Variants in ZDHHC11 observed in about 807,000 individuals in gnomAD.
The protein encoded by ZDHHC11 is zDHHC palmitoyltransferase 11, also known as palmitoyltransferase ZDHHC11.
A neutral mutation model predicts 51.3 loss-of-function variants in ZDHHC11; 44 were observed. That is an observed-to-expected ratio of 0.86 (90% confidence interval 0.67 to 1.10). ZDHHC11 has a LOEUF of 1.10. Ranked by LOEUF, ZDHHC11 falls within the 50% of genes least tolerant of loss-of-function variation. The pLI is 0.00. For synonymous variants in ZDHHC11, 163 were observed against 222.0 expected, an observed-to-expected ratio of 0.73 and a Z score of 2.36; for missense variants, 400 against 537.7, an observed-to-expected ratio of 0.74 and a Z score of 2.53.
chr5:844,204 C>G (rs1211323180), intron 3 of ZDHHC11, among the ~76,000 whole-genome samples: 2 of 152,394 alleles, frequency 1.3e-5, no homozygotes, highest in Non-Finnish European at 2.9e-5. Context: ...CTGTGACGCC[C>G]CCCCAGGTCT....
intron 5 of ZDHHC11, among the ~76,000 whole-genome samples, chr5:837,747 G>A (rs539859444): frequency 2.0e-5 from 3 of 152,016 alleles, no homozygotes; most frequent in East Asian, 1.9e-4. Context: ...CGCCTGCCAC[G>A]GCCTCATTGA....
chr5:815,692 C>T (rs930542564), intron 10 of ZDHHC11, among the ~76,000 whole-genome samples: 9 of 151,576 alleles, frequency 5.9e-5, no homozygotes, highest in East Asian at 3.8e-4. Flanking sequence ...AACTGCTTGG[C>T]GATGTGGCAT....
At position 803,778 on chromosome 5, in the gene ZDHHC11, AATTAG is replaced by A. The variant is rs200105563; in HGVS notation, c.1182-2619_1182-2615del. On this transcript the variant is annotated intron_variant, in intron 11 of 12. Transcript: ENST00000283441. ...AAAGTAGGAAAATTACATATGAGCA[AATTAG>A]ATTAGTAGTAGAGATAGAAATTATA... is the stretch of plus-strand genomic sequence containing the variant. Among the ~76,000 whole-genome samples, 1,340 of 150,698 alleles carry A rather than the reference AATTAG, an allele frequency of 8.9e-3. 45 individuals are homozygous for A. Among genetic ancestry groups the A allele is most frequent in the African/African-American group, 0.03 (1,244 of 41,032 alleles).
chr5:843,614 T>C lies in ZDHHC11; in HGVS notation c.614A>G (p.Asp205Gly), dbSNP rs1579764772. 6.2e-7 allele frequency: 1 copy of C among 1,607,968 alleles called. No homozygotes were observed. The highest frequency in any genetic ancestry group is 1.1e-5 in the South Asian group (1 of 90,788). ...YLVNPGVLRTDPRYEDVKNMN... is the reference protein window; with the variant it reads ...YLVNPGVLRTGPRYEDVKNMN... ...CGGCCACGTACCTTCATACCTGGGG[T>C]CCGTGCGGAGCACCCCGGGGTTCAC... The change falls in exon 4 of 13, where the codon GAC (aspartate) becomes GGC (glycine). Residue 205 changes from aspartate to glycine, a missense_variant. By Grantham distance (94) the Asp-to-Gly change is moderately conservative. Coordinates refer to ENST00000283441, the MANE Select transcript of ZDHHC11 (RefSeq NM_024786.3).
chr5:855,383 G>GC (rs1748047914), upstream of ZDHHC11, among the ~76,000 whole-genome samples: 3 of 147,424 alleles, frequency 2.0e-5, no homozygotes, highest in East Asian at 2.1e-4. Context: ...GAGCCGGGGA[G>GC]ACAGACCCCA....
chr5:801,018 A>G, intron 12 of ZDHHC11, 82 bp downstream of exon 12: 1 of 1,555,822 alleles, frequency 6.4e-7, no homozygotes, highest in South Asian at 1.1e-5. Flanking sequence ...TGCACTGGTG[A>G]TTTTTTAAAG....
chr5:803,948 A>G (rs1262324651), intron 11 of ZDHHC11, among the ~76,000 whole-genome samples: 1 of 150,110 alleles, frequency 6.7e-6, no homozygotes, highest in Non-Finnish European at 1.5e-5. Flanking sequence ...ATCCAGTCTT[A>G]GGACCAGAAA....
chr5:838,390 C>T (rs1371841502), intron 5 of ZDHHC11, among the ~76,000 whole-genome samples: 1 of 152,150 alleles, frequency 6.6e-6, no homozygotes, highest in African/African-American at 2.4e-5. Flanking sequence ...ACCGTGAGAG[C>T]CGATGTCTTG....
At chr5:821,828 G>T (rs371455202) in intron 9 of ZDHHC11, 33 bp downstream of exon 9, 1 of 1,572,570 alleles carries the variant, frequency 6.4e-7, no homozygotes, top group East Asian at 2.2e-5. Context: ...GTTACTAATA[G>T]ATAAAATAAT....
intron 7 of ZDHHC11, among the ~76,000 whole-genome samples, chr5:826,257 T>TTAATGATA (rs1742352717): frequency 4.0e-4 from 1 of 2,498 alleles, no homozygotes; most frequent in African/African-American, 1.0e-3. Context: ...TTCCAGATTT[T>TTAATGATA]CCCACTGAAA....
chr5:850,507 G>C lies in ZDHHC11; in HGVS notation c.96C>G (p.Asn32Lys). 2.5e-6 allele frequency: 4 copies of C among 1,613,754 alleles called. No individual in the cohort carries two copies. Among genetic ancestry groups the C allele is most frequent in the Non-Finnish European group, 3.4e-6 (4 of 1,180,030 alleles). Residue 32 changes from asparagine to lysine, a missense_variant, in exon 1 of 13, where the codon AAC becomes AAG. By Grantham distance (94) the Asn-to-Lys change is moderately conservative. This residue lies in a region of ZDHHC11 where 119 missense variants were observed against 99.6 expected (regional missense o/e 1.20). Transcript: ENST00000283441. Reference sequence around the variant, plus strand: ...AGTAGTGCAGGGGTAACGACCAGCCGTTCACTCTGGAGATGCGGGGCGGCA... The same window carrying C: ...AGTAGTGCAGGGGTAACGACCAGCCCTTCACTCTGGAGATGCGGGGCGGCA... The part of the protein sequence containing the change: ...LVLPPRISRV[N>K]GWSLPLHYFQ...
upstream of ZDHHC11, among the ~76,000 whole-genome samples, chr5:860,491 T>G (rs1748738067): frequency 6.6e-6 from 1 of 151,656 alleles, no homozygotes; most frequent in Non-Finnish European, 1.5e-5. The surrounding 1 kb of genome is among the most constrained non-coding windows in gnomAD (Gnocchi z 4.2). Flanking sequence ...CACACCCTCC[T>G]CCACCACCTG....
intron 1 of ZDHHC11, among the ~76,000 whole-genome samples, chr5:856,912 C>CA (rs1748340172): frequency 6.6e-6 from 1 of 151,668 alleles, no homozygotes; most frequent in Non-Finnish European, 1.5e-5. Flanking sequence ...CCACACACCA[C>CA]ACACACACCA....
At chr5:848,064 C>T (rs1490416142) in intron 2 of ZDHHC11, among the ~76,000 whole-genome samples, 3 of 149,702 alleles carry the variant, frequency 2.0e-5, no homozygotes, top group Non-Finnish European at 4.4e-5. Context: ...CCTGGAGACA[C>T]TGGAACCCTT....
intron 11 of ZDHHC11, among the ~76,000 whole-genome samples, chr5:809,011 A>ACACACG (rs1561236888): frequency 6.8e-6 from 1 of 147,302 alleles, no homozygotes; most frequent in African/African-American, 2.6e-5. Context: ...ACACACACAC[A>ACACACG]CACGCACACT....
Position 827,523 on chromosome 5 carries a change from A to G in ZDHHC11, c.936-2272T>C, listed in dbSNP as rs1324964030. On this transcript the variant is annotated intron_variant, in intron 7 of 12. Transcript: ENST00000283441. Reference sequence around the variant, plus strand: ...ATAAGGACTGAAATAAACTTAAGGTAAAGTGGCAGAAAAGATATTCCATAC... The same window carrying G: ...ATAAGGACTGAAATAAACTTAAGGTGAAGTGGCAGAAAAGATATTCCATAC... Among the ~76,000 whole-genome samples, 5 of 150,902 alleles carry G rather than the reference A, an allele frequency of 3.3e-5. 1 individual carries two copies. Among genetic ancestry groups the G allele is most frequent in the African/African-American group, 7.3e-5 (3 of 40,888 alleles).
rs1737538825 is a variant in ZDHHC11 at position 796,107 on chromosome 5, AGC to A, written c.*479_*480del. On this transcript the variant is annotated 3_prime_UTR_variant, in exon 13 of 13. Transcript: ENST00000283441. ...TGTGCTCCCATTTTGCAGTGCTGTG[AGC>A]CCCCATTTCCCAGTACTGTGCTCCC... The A allele has an allele frequency of 7.7e-6, 1 of 129,668 alleles. No individual in the cohort carries two copies. The highest frequency in any genetic ancestry group is 2.5e-4 in the South Asian group (1 of 3,924). 8.0% of individuals were successfully genotyped at this position (129,668 alleles called of 1,614,324 possible).
intron 6 of ZDHHC11, among the ~76,000 whole-genome samples, chr5:836,256 G>T (rs1261214265): frequency 6.7e-6 from 1 of 150,306 alleles, no homozygotes; most frequent in Non-Finnish European, 1.5e-5. Flanking sequence ...ACCCTTTTCT[G>T]CATTGATTGG....
upstream of ZDHHC11, among the ~76,000 whole-genome samples, chr5:859,072 T>C (rs946408208): frequency 6.6e-6 from 1 of 151,870 alleles, no homozygotes; most frequent in Admixed American, 6.6e-5. Context: ...CAAGGGGGCA[T>C]GAGGAGGGAG....
Sources: allele counts gnomAD v4.1 joint callset (sites outside exome capture counted in the v4.1 genomes callset), GRCh38; gene constraint gnomAD v4.1.1; regional missense constraint gnomAD v4.1.1; non-coding constraint Gnocchi (gnomAD v3.1); transcripts MANE v1.5; gene names NCBI Gene and HGNC (gene_info 2026-07-23, HGNC 2026-07-21).